ATP8A2: variants seen among roughly 807,000 people sequenced by gnomAD.
The protein encoded by ATP8A2 is phospholipid-transporting ATPase IB.
ATP8A2 carries 100 observed loss-of-function variants against 165.6 expected under a neutral mutation model. The ratio of observed to expected loss-of-function variants is 0.60; its 90% CI spans 0.51 to 0.71. ATP8A2 has a LOEUF of 0.71. Ranked by LOEUF, ATP8A2 falls within the 30% of genes least tolerant of loss-of-function variation. The pLI is 0.00. For missense variants in ATP8A2, 1,227 were observed against 1,479.5 expected (o/e 0.83, Z 2.80); for synonymous variants, 543 against 548.8 (o/e 0.99, Z 0.15).
At chr13:25,509,948 G>A (rs940923906) in intron 2 of ATP8A2, among the ~76,000 whole-genome samples, 5 of 152,100 alleles carry the variant, frequency 3.3e-5, no homozygotes, top group Non-Finnish European at 5.9e-5. Flanking sequence ...TTCATCTGGC[G>A]CACGCCCCAA....
chr13:25,896,007 G>C (rs1385781484), intron 33 of ATP8A2, among the ~76,000 whole-genome samples: 1 of 152,008 alleles, frequency 6.6e-6, no homozygotes, highest in Non-Finnish European at 1.5e-5. Context: ...TTGATTTTTT[G>C]AAGGGTTTTT....
intron 25 of ATP8A2, among the ~76,000 whole-genome samples, chr13:25,747,605 G>C (rs1459510426): frequency 6.6e-6 from 1 of 152,158 alleles, no homozygotes; most frequent in Non-Finnish European, 1.5e-5. Context: ...TAGACCAAAA[G>C]CTCTGCAAGG....
intron 2 of ATP8A2, among the ~76,000 whole-genome samples, chr13:25,471,502 C>G (rs1367733623): frequency 1.3e-5 from 2 of 152,136 alleles, no homozygotes; most frequent in Non-Finnish European, 2.9e-5. Context: ...AGGCGCCTGC[C>G]CAGCTAATTT....
At chr13:25,898,429 C>T (rs533680604) in intron 33 of ATP8A2, among the ~76,000 whole-genome samples, 7 of 152,284 alleles carry the variant, frequency 4.6e-5, no homozygotes, top group South Asian at 2.1e-4. Context: ...GGTGTCAGTC[C>T]GCCCCTACTG....
At chr13:25,382,812 G>A (rs994142502) in intron 1 of ATP8A2, among the ~76,000 whole-genome samples, 9 of 151,218 alleles carry the variant, frequency 6.0e-5, no homozygotes, top group Non-Finnish European at 8.8e-5. Context: ...CTGGAGTGCA[G>A]TGGCACGATC....
At chr13:25,586,965 A>G (rs767086753) in intron 23 of ATP8A2, among the ~76,000 whole-genome samples, 32 of 152,226 alleles carry the variant, frequency 2.1e-4, no homozygotes, top group Non-Finnish European at 4.4e-4. Flanking sequence ...ATACTCAGGT[A>G]GTAGAAAGAC....
chr13:25,464,226 T>C (rs890557051), intron 1 of ATP8A2, among the ~76,000 whole-genome samples: 4 of 152,130 alleles, frequency 2.6e-5, no homozygotes, highest in African/African-American at 9.7e-5. Context: ...TACAGGTGAA[T>C]AGGAATTTGT....
At chr13:25,696,109 A>G (rs192594229) in intron 24 of ATP8A2, among the ~76,000 whole-genome samples, 2 of 152,356 alleles carry the variant, frequency 1.3e-5, no homozygotes, top group Admixed American at 6.5e-5. Flanking sequence ...CGATGTCTCT[A>G]TCAGAGCTTT....
At chr13:25,446,903 T>C (rs758463990) in intron 1 of ATP8A2, among the ~76,000 whole-genome samples, 2 of 152,184 alleles carry the variant, frequency 1.3e-5, no homozygotes, top group Non-Finnish European at 2.9e-5. Context: ...TCATCCAGGC[T>C]GGAGTGCAAT....
intron 1 of ATP8A2, among the ~76,000 whole-genome samples, chr13:25,439,101 A>G (rs1330213573): frequency 6.6e-6 from 1 of 152,174 alleles, no homozygotes; most frequent in East Asian, 1.9e-4. Flanking sequence ...TAGGAATCCA[A>G]AAAGGTGCTG....
At position 25,372,570 on chromosome 13, in the gene ATP8A2, C is replaced by G. The variant is rs9578852; in HGVS notation, c.76+282C>G. ...TACAGATGTGTGTGTGTGTGTGCGG[C>G]CTCCCTGTGCGCGTGCCCGTGCGCC... On this transcript the variant is annotated intron_variant, in intron 1 of 36. Coordinates refer to ENST00000381655, the MANE Select transcript of ATP8A2 (RefSeq NM_016529.6). This position sits in a 1 kb window ranked among gnomAD's most constrained non-coding sequence, Gnocchi z 4.8. 0.49 allele frequency among the ~76,000 whole-genome samples: 75,182 copies of G among 151,940 alleles called. 21,294 individuals carry two copies. The highest frequency in any genetic ancestry group is 0.78 in the African/African-American group (32,293 of 41,462).
intron 24 of ATP8A2, among the ~76,000 whole-genome samples, chr13:25,636,139 T>C (rs7330897): frequency 0.41 from 62,109 of 151,764 alleles, 13,939 homozygotes; most frequent in Middle Eastern, 0.56. Context: ...CTGGCAGGAT[T>C]TGGGGAGTGG....
At chr13:26,009,333 C>T (rs1407297795) in intron 35 of ATP8A2, among the ~76,000 whole-genome samples, 1 of 152,130 alleles carries the variant, frequency 6.6e-6, no homozygotes, top group African/African-American at 2.4e-5. Context: ...AAGGCCTTAG[C>T]CAGAGTAAGG....
At chr13:25,468,913 C>G (rs1460365800) in intron 1 of ATP8A2, 64 bp from the exon 2 acceptor site, 9 of 1,581,788 alleles carry the variant, frequency 5.7e-6, no homozygotes, top group Non-Finnish European at 7.8e-6. Context: ...CCCGCGCTCG[C>G]AGCCTCCCGC....
intron 2 of ATP8A2, among the ~76,000 whole-genome samples, chr13:25,479,257 C>T (rs1258688999): frequency 1.3e-5 from 2 of 152,172 alleles, no homozygotes; most frequent in South Asian, 2.1e-4. Flanking sequence ...CCAAGATTCT[C>T]CGTTAAGGAT....
intron 24 of ATP8A2, among the ~76,000 whole-genome samples, chr13:25,643,385 A>G (rs2041586731): frequency 6.6e-6 from 1 of 152,010 alleles, no homozygotes; most frequent in South Asian, 2.1e-4. Context: ...TTTTGTTGTT[A>G]TGACAGTGTC....
At chr13:25,734,566 A>G (rs1261113235) in intron 25 of ATP8A2, among the ~76,000 whole-genome samples, 2 of 152,082 alleles carry the variant, frequency 1.3e-5, no homozygotes, top group Non-Finnish European at 2.9e-5. Context: ...GCTTAAAGCA[A>G]CCCTTGCCTT....
At chr13:25,451,112 C>G (rs1263358555) in intron 1 of ATP8A2, among the ~76,000 whole-genome samples, 2 of 152,104 alleles carry the variant, frequency 1.3e-5, no homozygotes, top group African/African-American at 2.4e-5. Context: ...ATGAGGTTGT[C>G]TCGTAGGTCA....
In ATP8A2 at chr13:25,637,908, G is replaced by C. The variant is rs377119232; in HGVS notation, c.2211+48209G>C. Among the ~76,000 whole-genome samples, 12 of 152,286 alleles carry C rather than the reference G, an allele frequency of 7.9e-5. No individual in the cohort carries two copies. The East Asian group carries it at 1.9e-3, about 25-fold the overall frequency. ...CGGCCGGGTACCCCTCTGAGACGAA[G>C]CTTCCAGAGGAATGATCAGACAGCA... On this transcript the variant is annotated intron_variant, in intron 24 of 36. Transcript: ENST00000381655.
Sources: gnomAD v4.1 joint callset for allele counts (sites outside exome capture counted in the v4.1 genomes callset) on GRCh38, gnomAD v4.1.1 for gene constraint, Gnocchi (gnomAD v3.1) non-coding constraint, MANE v1.5 for transcripts, NCBI Gene and HGNC (gene_info 2026-07-23, HGNC 2026-07-21) for gene names.